FSTL4: variants seen among roughly 807,000 people sequenced by gnomAD.
FSTL4 encodes the protein follistatin like 4, also known as follistatin-related protein 4.
Under a neutral mutation model 78.2 loss-of-function variants are expected in FSTL4, and 28 were observed. The observed-to-expected ratio is 0.36, with a 90% CI of 0.27 to 0.49. The LOEUF is 0.49. Ranked by LOEUF, FSTL4 falls within the 20% of genes least tolerant of loss-of-function variation. The pLI is 0.98. For synonymous variants in FSTL4, 422 were observed against 440.5 expected (o/e 0.96, Z 0.53); for missense variants, 922 against 1,084.9 (o/e 0.85, Z 2.11).
At chr5:133,320,361 C>T (rs1754017440) in intron 4 of FSTL4, among the ~76,000 whole-genome samples, 2 of 152,206 alleles carry the variant, frequency 1.3e-5, no homozygotes, top group Non-Finnish European at 2.9e-5. Context: ...ATAGGAGTGA[C>T]TTAGCTGTGT....
intron 6 of FSTL4, among the ~76,000 whole-genome samples, chr5:133,292,329 G>C (rs1448809014): frequency 6.6e-6 from 1 of 152,168 alleles, no homozygotes; most frequent in African/African-American, 2.4e-5. Flanking sequence ...CACCAGGCCT[G>C]CCTGGAAGGG....
chr5:133,488,973 ACCC>A (rs943071273), intron 3 of FSTL4, among the ~76,000 whole-genome samples: 2 of 152,080 alleles, frequency 1.3e-5, no homozygotes, highest in Admixed American at 6.6e-5. Context: ...CATCTTGTCA[ACCC>A]CCCATTGGAC....
intron 4 of FSTL4, among the ~76,000 whole-genome samples, chr5:133,391,245 T>A (rs1261620959): frequency 8.5e-5 from 13 of 152,206 alleles, no homozygotes; most frequent in Admixed American, 8.5e-4. Flanking sequence ...GGCCTTGATC[T>A]TAATTGAAGG....
At chr5:133,473,708 G>A (rs1757871461) in intron 3 of FSTL4, among the ~76,000 whole-genome samples, 1 of 152,146 alleles carries the variant, frequency 6.6e-6, no homozygotes, top group Non-Finnish European at 1.5e-5. Context: ...CCTGAGACTG[G>A]GTAATTTACA....
chr5:133,597,787 C>T (rs889422694), intron 2 of FSTL4, among the ~76,000 whole-genome samples: 3 of 152,160 alleles, frequency 2.0e-5, no homozygotes, highest in African/African-American at 7.2e-5. Flanking sequence ...CAGCAATGCT[C>T]ATCCCCAAAA....
the FSTL4 span, among the ~76,000 whole-genome samples, chr5:133,774,947 G>A: frequency 1.3e-5 from 2 of 151,948 alleles, no homozygotes; most frequent in African/African-American, 2.4e-5. Flanking sequence ...GAATGCAATA[G>A]TCTAGAATGT....
the FSTL4 span, among the ~76,000 whole-genome samples, chr5:133,757,736 C>T: frequency 6.6e-6 from 1 of 152,070 alleles, no homozygotes; most frequent in Admixed American, 6.6e-5. Flanking sequence ...ACAAAGACAC[C>T]CGAGGCTCTT....
At chr5:133,224,141 C>A in intron 11 of FSTL4, 49 bp downstream of exon 11, 1 of 1,537,452 alleles carries the variant, frequency 6.5e-7, no homozygotes, top group Non-Finnish European at 9.0e-7. Context: ...CATCATAGAA[C>A]CAAACACACG....
chr5:133,213,501 G>C lies in FSTL4; in HGVS notation c.1609-3203C>G, dbSNP rs80093350. On this transcript the variant is annotated intron_variant, in intron 13 of 15. Transcript: ENST00000265342. ...TTACCACAACAATGCAAAAGTAAGG[G>C]GGAGGAGGGTTGAAGGAGTTGAAGT... 5.0e-3 allele frequency among the ~76,000 whole-genome samples: 758 copies of C among 152,276 alleles called. 10 individuals carry two copies. Among genetic ancestry groups the C allele is most frequent in the African/African-American group, 0.017 (720 of 41,550 alleles).
intron 6 of FSTL4, among the ~76,000 whole-genome samples, chr5:133,296,097 C>T (rs1373153913): frequency 1.3e-5 from 2 of 152,214 alleles, no homozygotes; most frequent in Non-Finnish European, 2.9e-5. Context: ...CCCAAACCTC[C>T]TCCACCCATG....
chr5:133,198,897 A>G lies in FSTL4; in HGVS notation c.*198T>C, dbSNP rs960114455. ...CTCATCGTAGCTCAAGGCATAAATC[A>G]TACTTCCTAACGAAAAAACCCCAAT... On this transcript the variant is annotated 3_prime_UTR_variant, in exon 16 of 16. Transcript: ENST00000265342. The G allele has an allele frequency of 1.7e-5, 8 of 476,584 alleles. No homozygotes were observed. The highest frequency in any genetic ancestry group is 1.3e-4 in the African/African-American group (7 of 52,406). The allele number at this position is 476,584 out of a possible 1,614,324, so 29.5% of individuals were successfully genotyped here. A position where few individuals can be genotyped will look rare whatever the true frequency, so the allele number is the denominator to read the frequency against.
intron 2 of FSTL4, among the ~76,000 whole-genome samples, chr5:133,572,586 T>C (rs144733631): frequency 4.6e-5 from 7 of 152,268 alleles, no homozygotes; most frequent in African/African-American, 1.4e-4. Flanking sequence ...GATGAATGTA[T>C]AGCTATGCAA....
At chr5:133,574,501 C>A (rs981494549) in intron 2 of FSTL4, among the ~76,000 whole-genome samples, 3 of 152,128 alleles carry the variant, frequency 2.0e-5, no homozygotes, top group African/African-American at 7.2e-5. Flanking sequence ...CCTTCTTAAT[C>A]CTTTAATATC....
intron 3 of FSTL4, among the ~76,000 whole-genome samples, chr5:133,415,146 T>C (rs1225269656): frequency 1.3e-5 from 2 of 152,248 alleles, no homozygotes; most frequent in Non-Finnish European, 2.9e-5. Flanking sequence ...GAGTTTGAAG[T>C]ATCTTCTGAG....
upstream of FSTL4, among the ~76,000 whole-genome samples, chr5:133,612,882 G>A (rs994390821): frequency 1.3e-5 from 2 of 152,210 alleles, no homozygotes; most frequent in South Asian, 4.1e-4. The surrounding 1 kb of genome is among the most constrained non-coding windows in gnomAD (Gnocchi z 6.2). Flanking sequence ...TGAATCCGCG[G>A]CCATTGCTCG....
intron 14 of FSTL4, among the ~76,000 whole-genome samples, chr5:133,208,630 T>C (rs1397032650): frequency 6.6e-6 from 1 of 152,234 alleles, no homozygotes; most frequent in Non-Finnish European, 1.5e-5. Flanking sequence ...TTTCTTGTTC[T>C]TTATCTTTCA....
intron 2 of FSTL4, among the ~76,000 whole-genome samples, chr5:133,568,173 G>A (rs1002790090): frequency 6.6e-6 from 1 of 152,068 alleles, no homozygotes; most frequent in Non-Finnish European, 1.5e-5. Context: ...AACTAATGGG[G>A]GGAAAGACTA....
At chr5:133,711,005 G>A in the FSTL4 span, among the ~76,000 whole-genome samples, 6 of 152,192 alleles carry the variant, frequency 3.9e-5, no homozygotes, top group Admixed American at 1.3e-4. Flanking sequence ...TGCACTCTGC[G>A]CTCACAGAGC....
the FSTL4 span, among the ~76,000 whole-genome samples, chr5:133,753,807 G>C: frequency 6.6e-6 from 1 of 152,066 alleles, no homozygotes; most frequent in Middle Eastern, 3.4e-3. Flanking sequence ...CAGGTAGTGA[G>C]TGGCTGTCTG....
Sources: gnomAD v4.1 joint callset for allele counts (sites outside exome capture counted in the v4.1 genomes callset) on GRCh38, gnomAD v4.1.1 for gene constraint, Gnocchi (gnomAD v3.1) non-coding constraint, MANE v1.5 for transcripts, NCBI Gene and HGNC (gene_info 2026-07-23, HGNC 2026-07-21) for gene names.